Variants in TEAD4 observed in about 807,000 individuals in gnomAD.
TEAD4 encodes the protein transcriptional enhancer factor TEF-3.
TEAD4 carries 36 observed loss-of-function variants against 52.4 expected under a neutral mutation model. That is an observed-to-expected ratio of 0.69 (90% confidence interval 0.53 to 0.91). TEAD4 has a LOEUF of 0.91. TEAD4 is among the 40% of genes least tolerant of loss of function. TEAD4 has a pLI of 0.00. For missense variants in TEAD4, 508 were observed against 583.9 expected (o/e 0.87, Z 1.34); for synonymous variants, 220 against 231.0 (o/e 0.95, Z 0.43).
intron 2 of TEAD4, among the ~76,000 whole-genome samples, chr12:2,964,480 G>A (rs2098218592): frequency 6.7e-6 from 1 of 149,964 alleles, no homozygotes; most frequent in Non-Finnish European, 1.5e-5. Context: ...TTTTTGAGAC[G>A]GAGTTTTGCT....
In TEAD4 at chr12:3,039,046, T is replaced by G. The variant is rs1044869198; in HGVS notation, c.1038+938T>G. On this transcript the variant is annotated intron_variant, in intron 11 of 12. Transcript: ENST00000359864. ...TTAATGAAGTCCTACTCTCACAGTC[T>G]GTCAGTTATTGATAGCCTTCCTCAT... 6.2e-4 allele frequency among the ~76,000 whole-genome samples: 95 copies of G among 152,294 alleles called. 1 individual carries two copies. The highest frequency in any genetic ancestry group is 2.0e-3 in the African/African-American group (83 of 41,564).
intron 2 of TEAD4, among the ~76,000 whole-genome samples, chr12:2,975,720 G>T (rs947255278): frequency 5.9e-5 from 9 of 152,102 alleles, no homozygotes; most frequent in Admixed American, 3.9e-4. Flanking sequence ...TTCACATTAG[G>T]GTCCCTTCTT....
chr12:3,035,284 C>T (rs1021440348), intron 10 of TEAD4, among the ~76,000 whole-genome samples: 6 of 152,110 alleles, frequency 3.9e-5, no homozygotes, highest in African/African-American at 9.7e-5. Context: ...GGACCATGCG[C>T]GGTTAAAATC....
chr12:3,024,185 C>T (rs2098270596), intron 10 of TEAD4, among the ~76,000 whole-genome samples: 1 of 152,004 alleles, frequency 6.6e-6, no homozygotes, highest in South Asian at 2.1e-4. Flanking sequence ...CGCCATTCTC[C>T]TGCCTCAGCC....
At chr12:2,999,194 T>A (rs1008523947) in intron 3 of TEAD4, among the ~76,000 whole-genome samples, 10 of 152,116 alleles carry the variant, frequency 6.6e-5, no homozygotes, top group African/African-American at 2.4e-4. Context: ...TGTCTTCTCA[T>A]CTTCCCTTGG....
Position 2,974,071 on chromosome 12 carries a change from G to A in TEAD4, c.-30+14031G>A, listed in dbSNP as rs537889567. Among the ~76,000 whole-genome samples, 5 of 152,202 alleles carry A rather than the reference G, an allele frequency of 3.3e-5. No individual in the cohort carries two copies. In the East Asian group the frequency reaches 9.7e-4, roughly 29 times the overall value. On this transcript the variant is annotated intron_variant, in intron 2 of 12. Transcript: ENST00000359864. ...CGCCCAGACCGGAGTGTAGTGTCAC[G>A]ATCTTGGCTCACTGCAGCCTCTGTC...
chr12:3,025,791 C>A (rs534536715), intron 10 of TEAD4, among the ~76,000 whole-genome samples: 4 of 152,228 alleles, frequency 2.6e-5, no homozygotes, highest in Non-Finnish European at 2.9e-5. Context: ...CCTGCCTCGG[C>A]CTTCCAAATT....
At chr12:2,995,997 G>A (rs2098246802) in intron 3 of TEAD4, among the ~76,000 whole-genome samples, 1 of 145,760 alleles carries the variant, frequency 6.9e-6, no homozygotes, top group South Asian at 2.2e-4. Flanking sequence ...GCCAGAGTGA[G>A]GCCCTGTTTC....
At chr12:2,977,296 C>T (rs1156540465) in intron 2 of TEAD4, among the ~76,000 whole-genome samples, 1 of 152,130 alleles carries the variant, frequency 6.6e-6, no homozygotes, top group Non-Finnish European at 1.5e-5. Flanking sequence ...GTCTCTCTCT[C>T]TCTTTCTCTT....
At chr12:3,004,160 T>A (rs2098253959) in intron 3 of TEAD4, among the ~76,000 whole-genome samples, 2 of 152,318 alleles carry the variant, frequency 1.3e-5, no homozygotes, top group South Asian at 4.1e-4. Flanking sequence ...TGGATCTCCC[T>A]CCGGGACCTT....
chr12:3,023,613 C>T (rs1311264420), intron 10 of TEAD4, among the ~76,000 whole-genome samples: 1 of 150,446 alleles, frequency 6.6e-6, no homozygotes, highest in African/African-American at 2.4e-5. Context: ...TGGTGAAACC[C>T]TATCTCTACT....
rs1349670192 is a variant in TEAD4 at position 3,019,047 on chromosome 12, A to G, written c.528-68A>G. On this transcript the variant is annotated intron_variant, in intron 7 of 12. Coordinates refer to ENST00000359864, the MANE Select transcript of TEAD4 (RefSeq NM_003213.4). ...CAGGACCTACCACACAGACCACTGG[A>G]CCCAGTGCAGGGATCCGGGGCGGTG... is the stretch of plus-strand genomic sequence containing the variant. 11 of 1,580,924 alleles carry G rather than the reference A, an allele frequency of 7.0e-6. No individual in the cohort carries two copies. The East Asian group carries it at 1.1e-4, about 16-fold the overall frequency.
intron 3 of TEAD4, among the ~76,000 whole-genome samples, chr12:3,004,078 G>A (rs891254940): frequency 3.9e-5 from 6 of 152,340 alleles, no homozygotes; most frequent in African/African-American, 1.4e-4. Context: ...CATGATCCAG[G>A]ATACGCTGGC....
At chr12:3,019,464 C>T (rs1162866190) in intron 8 of TEAD4, among the ~76,000 whole-genome samples, 4 of 152,228 alleles carry the variant, frequency 2.6e-5, no homozygotes, top group African/African-American at 2.4e-5. Context: ...CGTGCCCTGG[C>T]GGCTGCCCCA....
At chr12:2,992,000 G>T (rs531763383) in intron 2 of TEAD4, among the ~76,000 whole-genome samples, 19 of 125,334 alleles carry the variant, frequency 1.5e-4, no homozygotes, top group Middle Eastern at 4.0e-3. Context: ...GTGGGGGTTG[G>T]GGGGGGCGGT....
intron 2 of TEAD4, among the ~76,000 whole-genome samples, chr12:2,985,569 G>C (rs111792507): frequency 1.7e-5 from 2 of 118,084 alleles, no homozygotes; most frequent in Non-Finnish European, 3.2e-5. Flanking sequence ...GTAGTGGCAC[G>C]ATCTCGGCTC....
chr12:3,033,959 G>A (rs1011113428), intron 10 of TEAD4, among the ~76,000 whole-genome samples: 2 of 151,382 alleles, frequency 1.3e-5, no homozygotes, highest in African/African-American at 4.9e-5. Flanking sequence ...GCTCTGGGGC[G>A]GTTCGTCCGT....
chr12:3,038,232 C>T, intron 11 of TEAD4, 124 bp downstream of exon 11: 1 of 1,298,966 alleles, frequency 7.7e-7, no homozygotes, highest in Non-Finnish European at 1.1e-6. Flanking sequence ...TTGTTGCCTT[C>T]CCTGTCTGCT....
chr12:3,039,774 G>A (rs969428189), intron 11 of TEAD4, among the ~76,000 whole-genome samples: 4 of 152,162 alleles, frequency 2.6e-5, no homozygotes, highest in Non-Finnish European at 4.4e-5. Flanking sequence ...TGCAACCTCC[G>A]CCTCCCGGGT....
Sources: allele counts gnomAD v4.1 joint callset (sites outside exome capture counted in the v4.1 genomes callset), GRCh38; gene constraint gnomAD v4.1.1; transcripts MANE v1.5; gene names NCBI Gene and HGNC (gene_info 2026-07-23, HGNC 2026-07-21).